Variants in SUPT6H observed in about 807,000 individuals in gnomAD.
SUPT6H encodes transcription elongation factor SPT6.
In SUPT6H, 11 loss-of-function variants were observed where a neutral mutation model predicts 222.3. That is an observed-to-expected ratio of 0.05 (90% confidence interval 0.03 to 0.08). The LOEUF (loss-of-function observed/expected upper bound fraction) is 0.08, where lower values mean the gene tolerates loss of function less well. Ranked by LOEUF, SUPT6H falls within the 10% of genes least tolerant of loss-of-function variation. SUPT6H has a pLI of 1.00. For synonymous variants in SUPT6H, 762 were observed against 801.2 expected (o/e 0.95, Z 0.83); for missense variants, 1,422 against 2,216.0 (o/e 0.64, Z 7.19).
At chr17:28,669,869 G>A (rs996164923) in intron 1 of SUPT6H, among the ~76,000 whole-genome samples, 2 of 152,250 alleles carry the variant, frequency 1.3e-5, no homozygotes, top group African/African-American at 2.4e-5. Context: ...CCAGGAGGCG[G>A]AGGTTGCAGC....
In SUPT6H at chr17:28,697,986, G is replaced by C; in HGVS notation, c.4404G>C (p.Leu1468=). 1 of 1,613,360 alleles carries C rather than the reference G, an allele frequency of 6.2e-7. No individual in the cohort carries two copies. The highest frequency in any genetic ancestry group is 2.2e-5 in the East Asian group (1 of 44,894). Residue 1468 remains leucine (L), a synonymous_variant, in exon 32 of 37, where the codon CTG becomes CTC. Transcript: ENST00000314616. ...IPYFICACKE[L]PGKFLLGYQP... is the part of the protein sequence containing the mutation. ...ATTTCATCTGTGCCTGCAAGGAACT[G>C]CCCGGCAAGTTCCTACTGGGATACC...
At chr17:28,663,044 T>C (rs1352016622) in intron 1 of SUPT6H, among the ~76,000 whole-genome samples, 1 of 152,222 alleles carries the variant, frequency 6.6e-6, no homozygotes, top group African/African-American at 2.4e-5. Flanking sequence ...CAAGAACTGA[T>C]ACTTATTTCA....
chr17:28,701,724 C>T lies in SUPT6H; in HGVS notation c.*99C>T, dbSNP rs977573937. On this transcript the variant is annotated 3_prime_UTR_variant, in exon 37 of 37. Transcript: ENST00000314616. ...CCCTCCTTTTATGTCCATAAAGTGG[C>T]GTGAAGTGAGACGTTCTCTTTGGTG... 11 of 1,318,440 alleles carry T rather than the reference C, an allele frequency of 8.3e-6. No individual in the cohort carries two copies. The Admixed American group carries it at 1.2e-4, about 14-fold the overall frequency. 81.7% of individuals were successfully genotyped at this position (1,318,440 alleles called of 1,614,324 possible). A position where few individuals can be genotyped will look rare whatever the true frequency, so the allele number is the denominator to read the frequency against.
intron 1 of SUPT6H, among the ~76,000 whole-genome samples, chr17:28,665,575 T>A (rs2029963189): frequency 6.6e-6 from 1 of 152,034 alleles, no homozygotes. Flanking sequence ...CTGGCCAACA[T>A]GGTGAAACCC....
At chr17:28,674,233 C>T (rs371965252) in intron 2 of SUPT6H, 50 bp from the exon 3 acceptor site, 2 of 1,609,248 alleles carry the variant, frequency 1.2e-6, no homozygotes, top group Non-Finnish European at 1.7e-6. Flanking sequence ...TGACCCTGAA[C>T]CTCTAGCCTG....
chr17:28,685,463 T>C (rs2031332675), intron 19 of SUPT6H, among the ~76,000 whole-genome samples: 1 of 130,888 alleles, frequency 7.6e-6, no homozygotes, highest in African/African-American at 2.6e-5. Flanking sequence ...TTTTAAATTT[T>C]ATTATTATCA....
At position 28,701,763 on chromosome 17, in the gene SUPT6H, G is replaced by C; in HGVS notation, c.*138G>C. On this transcript the variant is annotated 3_prime_UTR_variant, in exon 37 of 37. Transcript: ENST00000314616. ...TTCTCTTTGGTGGTCAACCCGGATG[G>C]GTGACAGGCTGGATGGCCTTGTGAA... 2 of 926,596 alleles carry C rather than the reference G, an allele frequency of 2.2e-6. No individual in the cohort carries two copies. Among genetic ancestry groups the C allele is most frequent in the Non-Finnish European group, 3.2e-6 (2 of 631,512 alleles). 57.4% of individuals were successfully genotyped at this position (926,596 alleles called of 1,614,324 possible). A position where few individuals can be genotyped will look rare whatever the true frequency, so the allele number is the denominator to read the frequency against.
chr17:28,676,556 G>A, intron 7 of SUPT6H, 126 bp downstream of exon 7: 1 of 1,416,422 alleles, frequency 7.1e-7, no homozygotes, highest in East Asian at 2.4e-5. Context: ...CTGGGGCCTG[G>A]GAAATCCAGC....
intron 1 of SUPT6H, among the ~76,000 whole-genome samples, chr17:28,670,696 G>A (rs1445619462): frequency 1.3e-5 from 2 of 152,154 alleles, no homozygotes; most frequent in African/African-American, 4.8e-5. Context: ...AGACCAGCCT[G>A]ACCAACATGG....
chr17:28,699,996 C>A, intron 33 of SUPT6H, 103 bp downstream of exon 33: 1 of 1,375,828 alleles, frequency 7.3e-7, no homozygotes, highest in Non-Finnish European at 1.0e-6. Flanking sequence ...AGTAGGCTGT[C>A]ACTGCAGCTG....
Position 28,697,183 on chromosome 17 carries a change from T to A in SUPT6H, c.4209+101T>A, listed in dbSNP as rs2031965153. On this transcript the variant is annotated intron_variant, in intron 30 of 36. Coordinates refer to ENST00000314616, the MANE Select transcript of SUPT6H (RefSeq NM_003170.5). ...ACATTAGTAACTCGGGTCATAGGTA[T>A]TTTAGCTGTGCACAGCAACAAAACG... is the stretch of plus-strand genomic sequence containing the variant. The A allele has an allele frequency of 7.1e-6, 7 of 979,846 alleles. No individual in the cohort carries two copies. The South Asian group carries it at 9.9e-5, about 14-fold the overall frequency. The allele number at this position is 979,846 out of a possible 1,614,324, so 60.7% of individuals were successfully genotyped here.
rs764450609 is a variant in SUPT6H at position 28,700,436 on chromosome 17, C to A, written c.4730C>A (p.Pro1577His). ...IAAVTGQGQNPNATPAQWASS... is the reference protein window; with the variant it reads ...IAAVTGQGQNHNATPAQWASS... ...GCGGTGACAGGCCAAGGACAGAACCCTAATGCCACCCCAGCCCAGTGGGCC... is the reference window on the plus strand; with the variant it reads ...GCGGTGACAGGCCAAGGACAGAACCATAATGCCACCCCAGCCCAGTGGGCC... The change falls in exon 35 of 37, where the codon CCT (proline) becomes CAT (histidine). Residue 1577 changes from proline (P) to histidine (H), a missense_variant. By Grantham distance (77) the Pro-to-His change is moderately conservative. This residue lies in a region of SUPT6H where 395 missense variants were observed against 580.6 expected (regional missense o/e 0.68). Coordinates refer to ENST00000314616, the MANE Select transcript of SUPT6H (RefSeq NM_003170.5). 1 of 1,614,234 alleles carries A rather than the reference C, an allele frequency of 6.2e-7. No homozygotes were observed. The highest frequency in any genetic ancestry group is 8.5e-7 in the Non-Finnish European group (1 of 1,180,044).
chr17:28,671,322 T>C (rs2030402889), intron 1 of SUPT6H: 1 of 152,270 alleles, frequency 6.6e-6, no homozygotes, highest in Non-Finnish European at 1.5e-5. Context: ...TGAAGGGATA[T>C]AGCTTTTCTG....
chr17:28,700,630 C>T (rs1273904977), intron 35 of SUPT6H, 118 bp downstream of exon 35: 3 of 1,334,566 alleles, frequency 2.2e-6, no homozygotes, highest in Non-Finnish European at 3.1e-6. Context: ...TGGTAACTGT[C>T]TCCAACAGAT....
In SUPT6H at chr17:28,681,346, C is replaced by T. The variant is rs367952686; in HGVS notation, c.1440C>T (p.Asn480=). ...GCCGAGACATCCCTAAGATGCAGAACGCCGCCAAAGCTAGCCGCAAGAAGC... is the reference window on the plus strand; with the variant it reads ...GCCGAGACATCCCTAAGATGCAGAATGCCGCCAAAGCTAGCCGCAAGAAGC... ...YYGRDIPKMQ[N]AAKASRKKLK... is the part of the protein sequence containing the mutation. The change falls in exon 12 of 37, where the codon AAC becomes AAT. Residue 480 remains asparagine (N), a synonymous_variant. Coordinates refer to ENST00000314616, the MANE Select transcript of SUPT6H (RefSeq NM_003170.5). 18 of 1,613,084 alleles carry T rather than the reference C, an allele frequency of 1.1e-5. No homozygotes were observed. The highest frequency in any genetic ancestry group is 1.7e-4 in the Middle Eastern group (1 of 6,042).
At chr17:28,695,595 C>T (rs896439637) in intron 29 of SUPT6H, 48 bp downstream of exon 29, 19 of 1,569,008 alleles carry the variant, frequency 1.2e-5, no homozygotes, top group Admixed American at 7.3e-5. Context: ...CTTGGCAGTT[C>T]TCCCAGTGCA....
At chr17:28,691,419 G>C (rs1379956227) in intron 27 of SUPT6H, 2 of 200,202 alleles carry the variant, frequency 1.0e-5, no homozygotes, top group African/African-American at 4.6e-5. Context: ...CTAGCTACTC[G>C]AGAGGCTGAG....
At chr17:28,675,626 A>G (rs1355543657) in intron 6 of SUPT6H, 141 bp downstream of exon 6, 13 of 810,040 alleles carry the variant, frequency 1.6e-5, no homozygotes, top group Non-Finnish European at 2.6e-5. Context: ...AACCTCTACC[A>G]GGCAGTGATT....
chr17:28,693,319 T>C (rs983175774), intron 27 of SUPT6H, among the ~76,000 whole-genome samples: 5 of 151,688 alleles, frequency 3.3e-5, no homozygotes, highest in African/African-American at 4.8e-5. Flanking sequence ...AAATCCGCCC[T>C]GTGTGGTGAT....
Sources: allele counts gnomAD v4.1 joint callset (sites outside exome capture counted in the v4.1 genomes callset), GRCh38; gene constraint gnomAD v4.1.1; regional missense constraint gnomAD v4.1.1; transcripts MANE v1.5; gene names NCBI Gene and HGNC (gene_info 2026-07-23, HGNC 2026-07-21).